Variants in RNF180 observed in about 807,000 individuals in gnomAD.
The protein encoded by RNF180 is E3 ubiquitin-protein ligase RNF180.
In RNF180, 38 loss-of-function variants were observed where a neutral mutation model predicts 59.2. That is an observed-to-expected ratio of 0.64 (90% CI 0.50 to 0.84). The LOEUF is 0.84. RNF180 is among the 40% of genes least tolerant of loss of function. The probability of loss-of-function intolerance (pLI) is 0.00; values close to 1 mark genes in which losing one functional copy is unlikely to be tolerated. For synonymous variants in RNF180, 262 were observed against 240.3 expected, an observed-to-expected ratio of 1.09 and a Z score of -0.84; for missense variants, 705 against 700.9, an observed-to-expected ratio of 1.01 and a Z score of -0.07.
chr5:64,317,055 C>G (rs1744075487), intron 5 of RNF180, among the ~76,000 whole-genome samples: 1 of 152,148 alleles, frequency 6.6e-6, no homozygotes, highest in African/African-American at 2.4e-5. Context: ...GCAGAACCTG[C>G]AGACATGGAG....
At chr5:64,249,272 T>A (rs1743406475) in intron 5 of RNF180, among the ~76,000 whole-genome samples, 1 of 151,776 alleles carries the variant, frequency 6.6e-6, no homozygotes. Flanking sequence ...AAAAATAAGC[T>A]CACTGTCAAA....
At chr5:64,345,556 T>A (rs556237131) in intron 7 of RNF180, among the ~76,000 whole-genome samples, 1 of 152,222 alleles carries the variant, frequency 6.6e-6, no homozygotes, top group Non-Finnish European at 1.5e-5. Context: ...ATTGAAGAGA[T>A]GCAGTCTATA....
intron 5 of RNF180, among the ~76,000 whole-genome samples, chr5:64,284,623 G>A (rs147530212): frequency 6.6e-6 from 1 of 152,290 alleles, no homozygotes; most frequent in African/African-American, 2.4e-5. Context: ...CTATTCTGCT[G>A]TTAAAACTTG....
chr5:64,246,374 A>G (rs1023883088), intron 5 of RNF180, among the ~76,000 whole-genome samples: 2 of 152,188 alleles, frequency 1.3e-5, no homozygotes, highest in African/African-American at 4.8e-5. Flanking sequence ...CCAGACTAAT[A>G]AAGAAGAAAA....
intron 5 of RNF180, among the ~76,000 whole-genome samples, chr5:64,260,500 A>G (rs570523232): frequency 1.2e-4 from 18 of 152,310 alleles, no homozygotes; most frequent in African/African-American, 4.1e-4. Context: ...CTATCTGAGT[A>G]GGTCATGTTA....
intron 5 of RNF180, among the ~76,000 whole-genome samples, chr5:64,268,081 A>G (rs1041830606): frequency 6.6e-6 from 1 of 152,176 alleles, no homozygotes; most frequent in African/African-American, 2.4e-5. Context: ...AAACATGATT[A>G]CAAATCTATT....
chr5:64,349,145 C>A (rs1745676960), intron 7 of RNF180, among the ~76,000 whole-genome samples: 1 of 152,036 alleles, frequency 6.6e-6, no homozygotes, highest in Non-Finnish European at 1.5e-5. Flanking sequence ...GCATACATAA[C>A]CAGAAGTAAA....
At chr5:64,257,137 G>C (rs1358983892) in intron 5 of RNF180, among the ~76,000 whole-genome samples, 2 of 152,170 alleles carry the variant, frequency 1.3e-5, no homozygotes, top group East Asian at 3.8e-4. Context: ...ATACAATCAT[G>C]TCATCTGCAA....
chr5:64,215,364 T>C (rs1210912203), intron 4 of RNF180, among the ~76,000 whole-genome samples: 2 of 152,206 alleles, frequency 1.3e-5, no homozygotes, highest in African/African-American at 4.8e-5. Context: ...CTTGATATAT[T>C]AGTTTTTTCT....
rs1440544431 is a variant in RNF180 at position 64,214,441 on chromosome 5, T to A, written c.1115T>A (p.Leu372His). 1 of 1,613,796 alleles carries A rather than the reference T, an allele frequency of 6.2e-7. No homozygotes were observed. Among genetic ancestry groups the A allele is most frequent in the Non-Finnish European group, 8.5e-7 (1 of 1,179,916 alleles). The change falls in exon 4 of 8, where the codon CTT (leucine) becomes CAT (histidine). Residue 372 changes from leucine to histidine, a missense_variant. Physicochemically the swap from Leu to His is moderately conservative, Grantham distance 99. Coordinates refer to ENST00000389100, the MANE Select transcript of RNF180 (RefSeq NM_001113561.2). Reference sequence around the variant, plus strand: ...TCATTGGGCAGCATTAATCAGAGGCTTAATAAGAGAGAAAGGAGCAAGTTG... The same window carrying A: ...TCATTGGGCAGCATTAATCAGAGGCATAATAAGAGAGAAAGGAGCAAGTTG... Reference protein sequence around the residue: ...NFSLGSINQRLNKRERSKLKN... With the variant: ...NFSLGSINQRHNKRERSKLKN...
rs146428338 is a variant in RNF180 at position 64,210,840 on chromosome 5, A to G, written c.136-1225A>G. ...CATATGCCCGTGTAGTAACAGATCAATACACTGAGATAGCAGGATTTGCAG... is the reference window on the plus strand; with the variant it reads ...CATATGCCCGTGTAGTAACAGATCAGTACACTGAGATAGCAGGATTTGCAG... On this transcript the variant is annotated intron_variant, in intron 2 of 7. Coordinates refer to ENST00000389100, the MANE Select transcript of RNF180 (RefSeq NM_001113561.2). 4.2e-3 allele frequency among the ~76,000 whole-genome samples: 634 copies of G among 152,288 alleles called. 1 individual carries two copies. The highest frequency in any genetic ancestry group is 6.4e-3 in the Non-Finnish European group (435 of 68,014).
intron 7 of RNF180, among the ~76,000 whole-genome samples, chr5:64,353,072 G>A (rs930028896): frequency 6.6e-6 from 1 of 151,638 alleles, no homozygotes; most frequent in Non-Finnish European, 1.5e-5. Context: ...TACACATTAG[G>A]TTAAATTTAA....
At chr5:64,236,079 T>C (rs990630619) in intron 5 of RNF180, among the ~76,000 whole-genome samples, 6 of 151,926 alleles carry the variant, frequency 3.9e-5, no homozygotes, top group Admixed American at 1.3e-4. Flanking sequence ...TAGGCAGAGG[T>C]TGGAACAGTT....
At chr5:64,233,387 A>C (rs1223108528) in intron 5 of RNF180, among the ~76,000 whole-genome samples, 1 of 152,228 alleles carries the variant, frequency 6.6e-6, no homozygotes, top group Non-Finnish European at 1.5e-5. Flanking sequence ...TGTGTAGCAA[A>C]TACAACAGCC....
At chr5:64,188,716 T>G (rs931016583) in intron 1 of RNF180, among the ~76,000 whole-genome samples, 1 of 152,244 alleles carries the variant, frequency 6.6e-6, no homozygotes, top group Non-Finnish European at 1.5e-5. Flanking sequence ...ATTTGGTGGG[T>G]TTTCTTTGTG....
intron 5 of RNF180, among the ~76,000 whole-genome samples, chr5:64,280,259 T>G (rs1561235840): frequency 6.6e-6 from 1 of 152,178 alleles, no homozygotes; most frequent in Non-Finnish European, 1.5e-5. Context: ...TTCCATTCTA[T>G]AGATTGTCTG....
At chr5:64,260,962 T>C (rs1265419053) in intron 5 of RNF180, among the ~76,000 whole-genome samples, 1 of 151,856 alleles carries the variant, frequency 6.6e-6, no homozygotes, top group African/African-American at 2.4e-5. Context: ...TTTGGCTGTA[T>C]TTTGGGTTGG....
intron 5 of RNF180, among the ~76,000 whole-genome samples, chr5:64,276,319 G>GGTGT (rs375203511): frequency 0.31 from 42,255 of 137,810 alleles, 6,742 homozygotes; most frequent in Non-Finnish European, 0.37. Flanking sequence ...AAAATACATT[G>GGTGT]GTGTGTGTGT....
intron 5 of RNF180, among the ~76,000 whole-genome samples, chr5:64,315,846 G>T (rs1167975642): frequency 6.6e-6 from 1 of 151,806 alleles, no homozygotes; most frequent in African/African-American, 2.4e-5. Flanking sequence ...TTATTAAAAG[G>T]GCAAAAACAA....
Sources: gnomAD v4.1 joint callset for allele counts (sites outside exome capture counted in the v4.1 genomes callset) on GRCh38, gnomAD v4.1.1 for gene constraint, MANE v1.5 for transcripts, NCBI Gene and HGNC (gene_info 2026-07-23, HGNC 2026-07-21) for gene names.